Variants in SUGCT observed in about 807,000 individuals in gnomAD.
The protein encoded by SUGCT is succinyl-CoA:glutarate-CoA transferase, also known as succinyl-CoA:glutarate CoA-transferase.
SUGCT carries 41 observed loss-of-function variants against 55.0 expected under a neutral mutation model. The ratio of observed to expected loss-of-function variants is 0.74; its 90% CI spans 0.58 to 0.97. The LOEUF (loss-of-function observed/expected upper bound fraction) is 0.97. SUGCT is among the 50% of genes least tolerant of loss of function. SUGCT has a pLI of 0.00. For missense variants in SUGCT, 568 were observed against 547.8 expected, an observed-to-expected ratio of 1.04 and a Z score of -0.37; for synonymous variants, 187 against 200.4, an observed-to-expected ratio of 0.93 and a Z score of 0.56.
intron 7 of SUGCT, among the ~76,000 whole-genome samples, chr7:40,259,205 T>G (rs1219757565): frequency 6.6e-6 from 1 of 152,050 alleles, no homozygotes; most frequent in African/African-American, 2.4e-5. Context: ...ATATAAAAAT[T>G]TAGCTAGAAG....
At chr7:40,399,304 C>G (rs1034048206) in intron 9 of SUGCT, among the ~76,000 whole-genome samples, 2 of 152,034 alleles carry the variant, frequency 1.3e-5, no homozygotes, top group African/African-American at 2.4e-5. Flanking sequence ...AAAATCTAAA[C>G]CCTGAGAGGA....
At chr7:40,859,422 C>A (rs184001228) in intron 13 of SUGCT, among the ~76,000 whole-genome samples, 47 of 152,270 alleles carry the variant, frequency 3.1e-4, no homozygotes, top group African/African-American at 1.0e-3. Context: ...TTTTCATGTC[C>A]TCATGGGAAG....
Position 40,285,857 on chromosome 7 carries a change from A to G in SUGCT, c.720+11201A>G, listed in dbSNP as rs546229421. Among the ~76,000 whole-genome samples, 350 of 152,318 alleles carry G rather than the reference A, an allele frequency of 2.3e-3. 2 individuals are homozygous for G. Among genetic ancestry groups the G allele is most frequent in the Non-Finnish European group, 4.2e-3 (288 of 68,018 alleles). Reference sequence around the variant, plus strand: ...CTGGAGAGCTTAGCAATCTAACATTATGGTTGATTTCATTTTCTAGATGAA... The same window carrying G: ...CTGGAGAGCTTAGCAATCTAACATTGTGGTTGATTTCATTTTCTAGATGAA... On this transcript the variant is annotated intron_variant, in intron 8 of 13. Transcript: ENST00000335693.
At chr7:40,697,868 C>T (rs903564551) in intron 12 of SUGCT, among the ~76,000 whole-genome samples, 11 of 152,174 alleles carry the variant, frequency 7.2e-5, no homozygotes, top group Admixed American at 5.2e-4. Context: ...GCCTTTTCCC[C>T]CTCAGTGCTC....
At chr7:40,474,558 G>T (rs947637662) in intron 11 of SUGCT, among the ~76,000 whole-genome samples, 1 of 152,168 alleles carries the variant, frequency 6.6e-6, no homozygotes, top group Non-Finnish European at 1.5e-5. Flanking sequence ...AGAGGTGCAG[G>T]CGTTTGGAAA....
chr7:40,760,382 A>G (rs1259918832), intron 13 of SUGCT, among the ~76,000 whole-genome samples: 1 of 152,220 alleles, frequency 6.6e-6, no homozygotes, highest in South Asian at 2.1e-4. Context: ...TAAGGTACTT[A>G]GAGTAGTCAA....
intron 3 of SUGCT, among the ~76,000 whole-genome samples, chr7:40,183,887 T>C (rs1053413565): frequency 2.6e-5 from 4 of 152,144 alleles, no homozygotes; most frequent in African/African-American, 4.8e-5. Context: ...AAAAGCATCA[T>C]TGTTGGCCGG....
In SUGCT at chr7:40,135,058, G is replaced by A. The variant is rs549157035; in HGVS notation, c.38G>A (p.Arg13Lys). ...ATLARVAALRRTCLFSGRGGG... is the reference protein window; with the variant it reads ...ATLARVAALRKTCLFSGRGGG... ...CTGGCGAGGGTGGCAGCTCTGCGCA[G>A]AACCTGCCTCTTCTCCGGCCGGGGC... Residue 13 changes from arginine (R) to lysine (K), a missense_variant, in exon 1 of 14, where the codon AGA becomes AAA. Physicochemically the swap from Arg to Lys is conservative, Grantham distance 26. Coordinates refer to ENST00000335693, the MANE Select transcript of SUGCT (RefSeq NM_001193313.2). 1.3e-6 allele frequency: 2 copies of A among 1,562,124 alleles called. No individual in the cohort carries two copies. The highest frequency in any genetic ancestry group is 2.4e-5 in the South Asian group (2 of 84,680).
intron 7 of SUGCT, among the ~76,000 whole-genome samples, chr7:40,245,061 TTTG>T (rs1246397499): frequency 7.9e-5 from 12 of 152,066 alleles, no homozygotes; most frequent in African/African-American, 1.4e-4. Flanking sequence ...AACTTTTTTT[TTTG>T]TTGTTGTTGA....
the SUGCT span, among the ~76,000 whole-genome samples, chr7:41,018,968 C>T: frequency 5.4e-5 from 8 of 149,342 alleles, no homozygotes; most frequent in East Asian, 2.0e-4. Context: ...TTCAATGGTG[C>T]GATCTTGGCT....
At chr7:40,154,661 T>G (rs2024200) in intron 1 of SUGCT, among the ~76,000 whole-genome samples, 86,534 of 151,856 alleles carry the variant, frequency 0.57, 26,450 homozygotes, top group African/African-American at 0.8. Context: ...GTTTTCTATT[T>G]TGCCAAGCGG....
At chr7:40,913,260 G>A in the SUGCT span, among the ~76,000 whole-genome samples, 1 of 152,144 alleles carries the variant, frequency 6.6e-6, no homozygotes, top group South Asian at 2.1e-4. Context: ...CATAAGCAGT[G>A]GGGCTCAGGA....
intron 11 of SUGCT, among the ~76,000 whole-genome samples, chr7:40,472,650 C>CAATAAT (rs149714111): frequency 6.0e-5 from 9 of 151,220 alleles, no homozygotes; most frequent in South Asian, 2.1e-4. Context: ...CACATAATGC[C>CAATAAT]AATAATAATA....
chr7:40,484,818 A>G (rs1791241494), intron 11 of SUGCT, among the ~76,000 whole-genome samples: 1 of 152,108 alleles, frequency 6.6e-6, no homozygotes, highest in South Asian at 2.1e-4. Context: ...GCACCACATC[A>G]CTTACAGAGC....
chr7:40,795,871 A>G (rs936299691), intron 13 of SUGCT, among the ~76,000 whole-genome samples: 1 of 152,202 alleles, frequency 6.6e-6, no homozygotes, highest in Non-Finnish European at 1.5e-5. Flanking sequence ...AAACATTATG[A>G]AGTGAAATGG....
chr7:40,884,438 A>C, the SUGCT span, among the ~76,000 whole-genome samples: 4 of 152,144 alleles, frequency 2.6e-5, no homozygotes, highest in Admixed American at 1.3e-4. Flanking sequence ...TTTATGACTG[A>C]GTTTCCCTGA....
At chr7:40,183,693 C>T (rs909479497) in intron 3 of SUGCT, among the ~76,000 whole-genome samples, 7 of 152,104 alleles carry the variant, frequency 4.6e-5, no homozygotes, top group African/African-American at 1.7e-4. Flanking sequence ...GGTTTTGAAG[C>T]GGGAAACGCC....
intron 12 of SUGCT, among the ~76,000 whole-genome samples, chr7:40,643,834 G>A (rs932766017): frequency 5.3e-5 from 8 of 152,162 alleles, no homozygotes; most frequent in Non-Finnish European, 1.5e-5. Flanking sequence ...CAAAGGAAAG[G>A]GGGGACTTAT....
At position 40,420,660 on chromosome 7, in the gene SUGCT, G is replaced by A. The variant is rs532416592; in HGVS notation, c.817-28627G>A. Among the ~76,000 whole-genome samples the A allele has an allele frequency of 9.2e-5, 14 of 152,160 alleles. 1 individual carries two copies. In the South Asian group the frequency reaches 2.9e-3, roughly 32 times the overall value. The stretch of plus-strand genomic sequence containing the variant: ...GGCCAGGAAGAGTGTGTGTTTTAAG[G>A]AAGACTAAGTGCTGTGGCAGATCAT... On this transcript the variant is annotated intron_variant, in intron 9 of 13. Transcript: ENST00000335693.
Sources: allele counts gnomAD v4.1 joint callset (sites outside exome capture counted in the v4.1 genomes callset), GRCh38; gene constraint gnomAD v4.1.1; transcripts MANE v1.5; gene names NCBI Gene and HGNC (gene_info 2026-07-23, HGNC 2026-07-21).